Variants in EFNA5 observed in about 807,000 individuals in gnomAD.
The protein encoded by EFNA5 is ephrin A5.
Under a neutral mutation model 22.9 loss-of-function variants are expected in EFNA5, and 5 were observed. That is an observed-to-expected ratio of 0.22 (90% CI 0.11 to 0.46). The LOEUF is 0.46. Ranked by LOEUF, EFNA5 falls within the 20% of genes least tolerant of loss-of-function variation. The pLI, the probability that EFNA5 is intolerant of heterozygous loss-of-function variation, is 0.99. For missense variants in EFNA5, 237 were observed against 293.3 expected (o/e 0.81, Z 1.40); for synonymous variants, 113 against 112.2 (o/e 1.01, Z -0.04).
chr5:107,486,198 G>T (rs1487099629), intron 1 of EFNA5, among the ~76,000 whole-genome samples: 3 of 152,182 alleles, frequency 2.0e-5, no homozygotes, highest in Non-Finnish European at 4.4e-5. Flanking sequence ...AAACAAATCA[G>T]ATGATTCCTG....
At chr5:107,481,268 T>G (rs1468167431) in intron 1 of EFNA5, among the ~76,000 whole-genome samples, 1 of 151,928 alleles carries the variant, frequency 6.6e-6, no homozygotes, top group Admixed American at 6.6e-5. Flanking sequence ...CAGGAGTGAG[T>G]TGGGGAAACA....
intron 1 of EFNA5, among the ~76,000 whole-genome samples, chr5:107,497,538 G>A (rs1190645724): frequency 6.6e-6 from 1 of 152,202 alleles, no homozygotes; most frequent in Non-Finnish European, 1.5e-5. Flanking sequence ...GTTTGCATCA[G>A]CTAAAGTTCT....
intron 1 of EFNA5, among the ~76,000 whole-genome samples, chr5:107,556,420 C>T (rs1748416393): frequency 1.3e-5 from 2 of 152,178 alleles, no homozygotes; most frequent in Admixed American, 1.3e-4. Context: ...AGCTGGAACT[C>T]TGTTCTCCTA....
chr5:107,599,278 T>C (rs530443044), intron 1 of EFNA5, among the ~76,000 whole-genome samples: 17 of 152,292 alleles, frequency 1.1e-4, no homozygotes, highest in African/African-American at 4.1e-4. Flanking sequence ...GGTAGGAAGT[T>C]GTAAAGAATA....
intron 1 of EFNA5, among the ~76,000 whole-genome samples, chr5:107,505,729 T>A (rs935855585): frequency 2.0e-5 from 3 of 152,196 alleles, no homozygotes; most frequent in African/African-American, 7.2e-5. Flanking sequence ...ACTGTGAGAA[T>A]CAGTAGTAAG....
intron 1 of EFNA5, among the ~76,000 whole-genome samples, chr5:107,574,954 A>G (rs760960367): frequency 5.9e-5 from 9 of 152,220 alleles, no homozygotes; most frequent in Admixed American, 4.6e-4. Flanking sequence ...GCCCATCATC[A>G]GTGAAGATGC....
chr5:107,482,804 CTCTCTCTCTGTCTCTCTCTCTGTCTCTG>C (rs1181746085), intron 1 of EFNA5, among the ~76,000 whole-genome samples: 24 of 95,406 alleles, frequency 2.5e-4, no homozygotes, highest in African/African-American at 1.1e-3. Context: ...TGCTCTCTCT[CTCTCTCTCTGTCTCTCTCTCTGTCTCTG>C]TCTCTCTCTC....
intron 1 of EFNA5, among the ~76,000 whole-genome samples, chr5:107,588,347 G>A (rs1200250976): frequency 1.3e-5 from 2 of 151,944 alleles, no homozygotes; most frequent in African/African-American, 4.8e-5. Flanking sequence ...CTTCCGTCCT[G>A]GAAGAGGATC....
rs1365782303 is a variant in EFNA5, at chr5:107,570,995, T to TG, written c.125+99493dup. Among the ~76,000 whole-genome samples the TG allele has an allele frequency of 2.0e-5, 3 of 152,294 alleles. No homozygotes were observed. In the East Asian group the frequency reaches 5.8e-4, roughly 29 times the overall value. On this transcript the variant is annotated intron_variant, in intron 1 of 4. Coordinates refer to ENST00000333274, the MANE Select transcript of EFNA5 (RefSeq NM_001962.3). ...AGCTCAGTGATTTCACATTCCTCCCTGGGGGGTACCTGTTGCAGTTGCACG... is the reference window on the plus strand; with the variant it reads ...AGCTCAGTGATTTCACATTCCTCCCTGGGGGGGTACCTGTTGCAGTTGCACG...
chr5:107,669,982 G>A (rs1408134172), intron 1 of EFNA5, among the ~76,000 whole-genome samples: 3 of 149,216 alleles, frequency 2.0e-5, no homozygotes, highest in Non-Finnish European at 3.0e-5. Flanking sequence ...CCCCCAGCCC[G>A]TGCGCTCTCT....
At chr5:107,471,109 C>T (rs1580473975) in intron 1 of EFNA5, among the ~76,000 whole-genome samples, 1 of 152,088 alleles carries the variant, frequency 6.6e-6, no homozygotes, top group Admixed American at 6.6e-5. Context: ...ATCAGGCTTT[C>T]CCAGGTTAGG....
intron 1 of EFNA5, among the ~76,000 whole-genome samples, chr5:107,458,255 A>C (rs1483656637): frequency 8.5e-5 from 13 of 152,228 alleles, no homozygotes; most frequent in East Asian, 7.7e-4. Flanking sequence ...TCATTCAAAC[A>C]CCTTCCCTGA....
intron 1 of EFNA5, among the ~76,000 whole-genome samples, chr5:107,544,078 T>C (rs1357398392): frequency 6.6e-6 from 1 of 152,078 alleles, no homozygotes; most frequent in African/African-American, 2.4e-5. Flanking sequence ...GGTCCTGACA[T>C]TTGGGGTAAT....
At chr5:107,596,196 G>A (rs1464922746) in intron 1 of EFNA5, among the ~76,000 whole-genome samples, 3 of 152,146 alleles carry the variant, frequency 2.0e-5, no homozygotes, top group African/African-American at 7.2e-5. Flanking sequence ...GTACAGTAGT[G>A]TTAATTATAT....
At chr5:107,465,990 C>T (rs1485641168) in intron 1 of EFNA5, among the ~76,000 whole-genome samples, 2 of 152,108 alleles carry the variant, frequency 1.3e-5, no homozygotes, top group African/African-American at 2.4e-5. Flanking sequence ...TCATTTTCAG[C>T]TCTCACTCAT....
At chr5:107,579,178 G>C (rs1326534919) in intron 1 of EFNA5, among the ~76,000 whole-genome samples, 1 of 152,074 alleles carries the variant, frequency 6.6e-6, no homozygotes, top group Non-Finnish European at 1.5e-5. Flanking sequence ...GGACATTATA[G>C]TGCAAAAAGC....
rs1257542420 is a variant in EFNA5, at chr5:107,670,660, G to C, written c.-47C>G. On this transcript the variant is annotated 5_prime_UTR_variant, in exon 1 of 5. Coordinates refer to ENST00000333274, the MANE Select transcript of EFNA5 (RefSeq NM_001962.3). The stretch of plus-strand genomic sequence containing the variant: ...CCCCCGACGCGCCACTCCGGGGAGA[G>C]AGCGGGGATCCGGAGGGAGGGAGGC... 2 of 1,584,034 alleles carry C rather than the reference G, an allele frequency of 1.3e-6. No homozygotes were observed. Among genetic ancestry groups the C allele is most frequent in the Admixed American group, 1.7e-5 (1 of 57,396 alleles).
chr5:107,542,488 C>T (rs1263254359), intron 1 of EFNA5, among the ~76,000 whole-genome samples: 1 of 152,006 alleles, frequency 6.6e-6, no homozygotes, highest in African/African-American at 2.4e-5. Flanking sequence ...GTAGAGTCTG[C>T]CGCCTGCATG....
chr5:107,584,068 T>C (rs1749128400), intron 1 of EFNA5, among the ~76,000 whole-genome samples: 1 of 152,206 alleles, frequency 6.6e-6, no homozygotes. Flanking sequence ...AAAGGTCACA[T>C]GTAAACATTC....
Sources: gnomAD v4.1 joint callset for allele counts (sites outside exome capture counted in the v4.1 genomes callset) on GRCh38, gnomAD v4.1.1 for gene constraint, MANE v1.5 for transcripts, NCBI Gene and HGNC (gene_info 2026-07-23, HGNC 2026-07-21) for gene names.